The following NELL1 variants were observed in gnomAD, a reference collection of about 807,000 sequenced individuals.
NELL1 encodes the protein neural EGFL like 1.
In NELL1, 76 loss-of-function variants were observed where a neutral mutation model predicts 107.4. The observed-to-expected ratio is 0.71, with a 90% CI of 0.59 to 0.86. The LOEUF is 0.86. Among genes scored for constraint, NELL1 ranks in the 40% least tolerant of loss-of-function variants. NELL1 has a pLI of 0.00. For missense variants in NELL1, 1,024 were observed against 1,005.5 expected, an observed-to-expected ratio of 1.02 and a Z score of -0.25; for synonymous variants, 353 against 341.2, an observed-to-expected ratio of 1.03 and a Z score of -0.38.
chr11:21,197,156 C>T (rs1364665621), intron 13 of NELL1, among the ~76,000 whole-genome samples: 3 of 151,692 alleles, frequency 2.0e-5, no homozygotes, highest in Non-Finnish European at 4.4e-5. Context: ...GGATTACAGG[C>T]GTCAGCCACC....
At chr11:20,868,328 A>T (rs577686284) in intron 4 of NELL1, among the ~76,000 whole-genome samples, 1 of 152,242 alleles carries the variant, frequency 6.6e-6, no homozygotes, top group African/African-American at 2.4e-5. Context: ...TGAAATATCT[A>T]GAATAGGAGC....
At chr11:20,822,450 CT>C (rs373229155) in intron 3 of NELL1, among the ~76,000 whole-genome samples, 155 of 152,046 alleles carry the variant, frequency 1.0e-3, no homozygotes, top group African/African-American at 3.4e-3. Context: ...ATGCGACAAA[CT>C]TTTTTTTTCT....
chr11:21,106,917 T>C (rs1308349260), intron 12 of NELL1, among the ~76,000 whole-genome samples: 1 of 152,202 alleles, frequency 6.6e-6, no homozygotes, highest in Non-Finnish European at 1.5e-5. Context: ...GTTGGAAATT[T>C]TCTCTGGGTC....
At chr11:20,812,568 G>A (rs575223441) in intron 3 of NELL1, among the ~76,000 whole-genome samples, 28 of 152,278 alleles carry the variant, frequency 1.8e-4, no homozygotes, top group African/African-American at 5.8e-4. Context: ...AAAGCAACAT[G>A]CTAAGATGGT....
chr11:20,725,993 A>AGTATTTTG (rs71063661), intron 2 of NELL1, among the ~76,000 whole-genome samples: 18,194 of 152,194 alleles, frequency 0.12, 1,191 homozygotes, highest in Non-Finnish European at 0.15. Flanking sequence ...GAGAACATGG[A>AGTATTTTG]GTATTTTGTT....
In NELL1 at chr11:20,817,524, C is replaced by CT. The variant is rs1324289650; in HGVS notation, c.336-30051dup. On this transcript the variant is annotated intron_variant, in intron 3 of 19. Coordinates refer to ENST00000357134, the MANE Select transcript of NELL1 (RefSeq NM_006157.5). ...CTGTTTGTGCTTATTTGGATCTTCTCTTTTTTTTCCTTGTTAGTGTAGCTA... is the reference window on the plus strand; with the variant it reads ...CTGTTTGTGCTTATTTGGATCTTCTCTTTTTTTTTCCTTGTTAGTGTAGCTA... Among the ~76,000 whole-genome samples the CT allele has an allele frequency of 1.5e-4, 23 of 151,882 alleles. 1 individual carries two copies. In the Middle Eastern group the frequency reaches 9.6e-3, roughly 63 times the overall value.
intron 3 of NELL1, among the ~76,000 whole-genome samples, chr11:20,818,511 A>G (rs1857677988): frequency 6.6e-6 from 1 of 152,010 alleles, no homozygotes; most frequent in Non-Finnish European, 1.5e-5. Flanking sequence ...GCAGAGCCAC[A>G]ATGCAAAACA....
At position 20,781,583 on chromosome 11, in the gene NELL1, A is replaced by G. The variant is rs1410693706; in HGVS notation, c.185-2097A>G. ...CTTTTCTTTGGGCCCAAGCTTTACA[A>G]TCCTGAAATTCAGGCATCTGCTACC... On this transcript the variant is annotated intron_variant, in intron 2 of 19. Transcript: ENST00000357134. Among the ~76,000 whole-genome samples, 6 of 152,300 alleles carry G rather than the reference A, an allele frequency of 3.9e-5. No individual in the cohort carries two copies. In the East Asian group the frequency reaches 9.7e-4, roughly 25 times the overall value.
At chr11:20,859,046 G>C (rs963543033) in intron 4 of NELL1, among the ~76,000 whole-genome samples, 5 of 152,218 alleles carry the variant, frequency 3.3e-5, no homozygotes, top group Admixed American at 3.3e-4. Context: ...ACCTGTGCCT[G>C]CTTCGTCATT....
intron 14 of NELL1, among the ~76,000 whole-genome samples, chr11:21,238,060 C>G (rs1223336124): frequency 1.3e-5 from 2 of 152,060 alleles, no homozygotes; most frequent in Non-Finnish European, 2.9e-5. Context: ...AAACCTAGCA[C>G]AACCAAACAG....
chr11:20,920,869 G>T (rs768756722), intron 7 of NELL1, among the ~76,000 whole-genome samples: 1 of 151,644 alleles, frequency 6.6e-6, no homozygotes, highest in Non-Finnish European at 1.5e-5. Context: ...TTTAATTGTG[G>T]GCAGTTGCAA....
At chr11:20,922,500 A>G (rs905233562) in intron 7 of NELL1, among the ~76,000 whole-genome samples, 1 of 152,080 alleles carries the variant, frequency 6.6e-6, no homozygotes, top group Admixed American at 6.6e-5. Flanking sequence ...GAGTCTGGAA[A>G]TGTCAGGCAA....
chr11:20,927,244 A>T, intron 7 of NELL1, 64 bp from the exon 8 acceptor site: 2 of 1,484,382 alleles, frequency 1.3e-6, no homozygotes, highest in Admixed American at 2.3e-5. Flanking sequence ...TCTTGTTGCT[A>T]TTAGCTTTGT....
At chr11:20,787,812 C>A (rs568679667) in intron 3 of NELL1, among the ~76,000 whole-genome samples, 2 of 152,270 alleles carry the variant, frequency 1.3e-5, no homozygotes, top group Non-Finnish European at 1.5e-5. Flanking sequence ...TTTAGAAATG[C>A]TCATTACCCT....
intron 15 of NELL1, among the ~76,000 whole-genome samples, chr11:21,441,267 T>C (rs1338121161): frequency 6.6e-6 from 1 of 152,066 alleles, no homozygotes; most frequent in African/African-American, 2.4e-5. Flanking sequence ...ACATCATTTC[T>C]ATTTATAATA....
chr11:21,102,844 A>G (rs1854854965), intron 12 of NELL1, among the ~76,000 whole-genome samples: 1 of 152,180 alleles, frequency 6.6e-6, no homozygotes, highest in Non-Finnish European at 1.5e-5. Flanking sequence ...TTTTGTCTCA[A>G]CAATCACATT....
At chr11:21,167,557 T>A (rs983364015) in intron 13 of NELL1, among the ~76,000 whole-genome samples, 2 of 151,868 alleles carry the variant, frequency 1.3e-5, no homozygotes, top group Non-Finnish European at 2.9e-5. Flanking sequence ...GTTCTCTTAA[T>A]CCTCCTAATC....
chr11:20,934,577 G>A (rs904327733), intron 9 of NELL1, among the ~76,000 whole-genome samples: 4 of 152,234 alleles, frequency 2.6e-5, no homozygotes, highest in African/African-American at 9.6e-5. Context: ...GATCAAATGT[G>A]TTAATACCAT....
intron 12 of NELL1, among the ~76,000 whole-genome samples, chr11:21,053,455 A>G (rs1322318991): frequency 6.6e-6 from 1 of 152,104 alleles, no homozygotes; most frequent in Non-Finnish European, 1.5e-5. Flanking sequence ...TGAACTCAGG[A>G]TGACCCATTT....
Sources: allele counts gnomAD v4.1 joint callset (sites outside exome capture counted in the v4.1 genomes callset), GRCh38; gene constraint gnomAD v4.1.1; transcripts MANE v1.5; gene names NCBI Gene and HGNC (gene_info 2026-07-23, HGNC 2026-07-21).